Variants in SEC24A observed in about 807,000 individuals in gnomAD.
The protein encoded by SEC24A is SEC24 homolog A, COPII component.
In SEC24A, 93 loss-of-function variants were observed where a neutral mutation model predicts 129.4. That is an observed-to-expected ratio of 0.72 (90% CI 0.61 to 0.85). The LOEUF (loss-of-function observed/expected upper bound fraction) is 0.85. Among genes scored for constraint, SEC24A ranks in the 40% least tolerant of loss-of-function variants. The pLI is 0.00. For synonymous variants in SEC24A, 460 were observed against 467.3 expected, an observed-to-expected ratio of 0.98 and a Z score of 0.20; for missense variants, 1,264 against 1,307.4, an observed-to-expected ratio of 0.97 and a Z score of 0.51.
chr5:134,667,378 C>T (rs1395917399), intron 3 of SEC24A, among the ~76,000 whole-genome samples: 1 of 151,880 alleles, frequency 6.6e-6, no homozygotes, highest in African/African-American at 2.4e-5. Context: ...GAGCCAGGCG[C>T]GGTGGCTCAC....
Position 134,688,667 on chromosome 5 carries a change from T to TTTTATTTATTTATTTA in SEC24A, c.1723+383_1723+398dup, listed in dbSNP as rs149900252. Among the ~76,000 whole-genome samples, 106 of 151,088 alleles carry TTTTATTTATTTATTTA rather than the reference T, an allele frequency of 7.0e-4. 1 individual carries two copies. The highest frequency in any genetic ancestry group is 3.4e-3 in the Middle Eastern group (1 of 294). Reference sequence around the variant, plus strand: ...AAGCCTAGCATATATAGTCAATTGATTTTATTTATTTATTTATTTATTTAT... The same window carrying TTTTATTTATTTATTTA: ...AAGCCTAGCATATATAGTCAATTGATTTTATTTATTTATTTATTTATTTATTTATTTATTTATTTAT... On this transcript the variant is annotated intron_variant, in intron 11 of 22. Coordinates refer to ENST00000398844, the MANE Select transcript of SEC24A (RefSeq NM_021982.3).
intron 18 of SEC24A, among the ~76,000 whole-genome samples, chr5:134,711,129 CCTT>C (rs1752314992): frequency 6.6e-6 from 1 of 151,940 alleles, no homozygotes; most frequent in Non-Finnish European, 1.5e-5. Context: ...AAGCGAGACT[CCTT>C]CTCTTAAAAG....
At chr5:134,674,363 C>T (rs1243618475) in intron 4 of SEC24A, among the ~76,000 whole-genome samples, 1 of 151,930 alleles carries the variant, frequency 6.6e-6, no homozygotes, top group Non-Finnish European at 1.5e-5. Context: ...GGTGAAGTCC[C>T]GTCTCTACAA....
intron 12 of SEC24A, chr5:134,692,966 TG>T: frequency 7.6e-7 from 1 of 1,321,022 alleles, no homozygotes; most frequent in African/African-American, 1.5e-5. Flanking sequence ...ATAAAGCTTC[TG>T]GTCACTACAT....
intron 1 of SEC24A, among the ~76,000 whole-genome samples, chr5:134,651,561 G>T (rs1344174278): frequency 1.3e-5 from 2 of 151,630 alleles, no homozygotes; most frequent in African/African-American, 2.4e-5. Flanking sequence ...ATCCCAAAGT[G>T]CTGGGATTAC....
At chr5:134,713,440 A>T (rs1752388923) in intron 18 of SEC24A, among the ~76,000 whole-genome samples, 1 of 151,976 alleles carries the variant, frequency 6.6e-6, no homozygotes, top group African/African-American at 2.4e-5. Flanking sequence ...GACATACCAC[A>T]TATTTTGCTT....
chr5:134,710,095 C>T (rs1389793383), intron 18 of SEC24A, among the ~76,000 whole-genome samples: 2 of 151,974 alleles, frequency 1.3e-5, no homozygotes, highest in Non-Finnish European at 2.9e-5. Flanking sequence ...GACAAGGTTT[C>T]ACCATGTTGG....
At chr5:134,650,443 A>G (rs1254382429) in intron 1 of SEC24A, among the ~76,000 whole-genome samples, 1 of 152,166 alleles carries the variant, frequency 6.6e-6, no homozygotes, top group Non-Finnish European at 1.5e-5. Context: ...CATAATATTG[A>G]AATGTTAAAG....
In SEC24A at chr5:134,655,692, G is replaced by A. The variant is rs540864795; in HGVS notation, c.98-5427G>A. ...CAAAATAAATAAATAAATAAATAAG[G>A]CCACAAATGGCTTCCTGGTTATTAA... On this transcript the variant is annotated intron_variant, in intron 1 of 22. Transcript: ENST00000398844. 1.1e-4 allele frequency among the ~76,000 whole-genome samples: 16 copies of A among 151,690 alleles called. No homozygotes were observed. In the South Asian group the frequency reaches 2.9e-3, roughly 28 times the overall value.
chr5:134,668,276 G>A (rs1354833396), intron 3 of SEC24A, among the ~76,000 whole-genome samples: 2 of 152,080 alleles, frequency 1.3e-5, no homozygotes, highest in African/African-American at 4.8e-5. Context: ...TTATAAGTCG[G>A]GAAAAGAATA....
At chr5:134,666,289 C>T (rs1355263714) in intron 2 of SEC24A, among the ~76,000 whole-genome samples, 6 of 152,112 alleles carry the variant, frequency 3.9e-5, no homozygotes, top group African/African-American at 1.2e-4. Context: ...GGCACAGTGG[C>T]TCACGCCTAT....
intron 1 of SEC24A, among the ~76,000 whole-genome samples, chr5:134,656,380 GATAAAT>G (rs1038345969): frequency 6.6e-6 from 1 of 151,856 alleles, no homozygotes; most frequent in African/African-American, 2.4e-5. Flanking sequence ...GCCCAGCGCA[GATAAAT>G]ATCTTTATAC....
intron 1 of SEC24A, among the ~76,000 whole-genome samples, chr5:134,658,735 G>T (rs984171098): frequency 6.6e-6 from 1 of 152,152 alleles, no homozygotes; most frequent in Non-Finnish European, 1.5e-5. Flanking sequence ...GGAAGAATGG[G>T]GTGGGGGAGA....
At chr5:134,714,928 C>G (rs959800728) in intron 18 of SEC24A, 96 bp from the exon 19 acceptor site, 27 of 1,264,042 alleles carry the variant, frequency 2.1e-5, no homozygotes, top group South Asian at 6.8e-5. Context: ...TGTGAATTCT[C>G]TCTGAAAATA....
In SEC24A at chr5:134,661,297, C is replaced by T. The variant is rs1750449509; in HGVS notation, c.276C>T (p.Ala92=). Residue 92 remains alanine, a synonymous_variant, in exon 2 of 23, where the codon GCC becomes GCT. Coordinates refer to ENST00000398844, the MANE Select transcript of SEC24A (RefSeq NM_021982.3). ...AGACTCTTAATAGACCACCTGTGGCCTCTAATCCAGTGACACCTTCGCTTC... is the reference window on the plus strand; with the variant it reads ...AGACTCTTAATAGACCACCTGTGGCTTCTAATCCAGTGACACCTTCGCTTC... The part of the protein sequence containing the change: ...SGQTLNRPPV[A]SNPVTPSLHS... 1.2e-6 allele frequency: 2 copies of T among 1,614,062 alleles called. No individual in the cohort carries two copies. Among genetic ancestry groups the T allele is most frequent in the Non-Finnish European group, 1.7e-6 (2 of 1,180,042 alleles).
At chr5:134,672,439 C>G (rs191327734) in intron 4 of SEC24A, among the ~76,000 whole-genome samples, 1 of 152,028 alleles carries the variant, frequency 6.6e-6, no homozygotes, top group African/African-American at 2.4e-5. Context: ...CTGCCCGCCT[C>G]GGCCTCCCAA....
chr5:134,693,980 T>A, intron 13 of SEC24A, 47 bp downstream of exon 13: 1 of 1,494,054 alleles, frequency 6.7e-7, no homozygotes, highest in Middle Eastern at 1.7e-4. Flanking sequence ...TGGTGTTCCA[T>A]CCCTGTGACC....
chr5:134,692,922 G>C lies in SEC24A; in HGVS notation c.1779+265G>C, dbSNP rs1751705654. ...GGAACACTTGAAGGAAATCTGTCTT[G>C]TCAGCCATTTGGGAAGTTGGGAGGG... On this transcript the variant is annotated intron_variant, in intron 12 of 22. Coordinates refer to ENST00000398844, the MANE Select transcript of SEC24A (RefSeq NM_021982.3). 18 of 885,150 alleles carry C rather than the reference G, an allele frequency of 2.0e-5. No homozygotes were observed. In the South Asian group the frequency reaches 2.4e-4, roughly 12 times the overall value. 54.8% of individuals were successfully genotyped at this position (885,150 alleles called of 1,614,324 possible). A position where few individuals can be genotyped will look rare whatever the true frequency, so the allele number is the denominator to read the frequency against.
At chr5:134,685,495 G>T (rs752925254) in intron 9 of SEC24A, among the ~76,000 whole-genome samples, 32 of 152,216 alleles carry the variant, frequency 2.1e-4, no homozygotes, top group Non-Finnish European at 3.7e-4. Flanking sequence ...GATGTGCATA[G>T]GTTATATGCA....
Sources: allele counts gnomAD v4.1 joint callset (sites outside exome capture counted in the v4.1 genomes callset), GRCh38; gene constraint gnomAD v4.1.1; transcripts MANE v1.5; gene names NCBI Gene and HGNC (gene_info 2026-07-23, HGNC 2026-07-21).